Variants in LCK observed in about 807,000 individuals in gnomAD.
The protein encoded by LCK is LCK proto-oncogene, Src family tyrosine kinase.
A neutral mutation model predicts 64.6 loss-of-function variants in LCK; 14 were observed. That is an observed-to-expected ratio of 0.22 (90% CI 0.14 to 0.34). The LOEUF is 0.34. Among genes scored for constraint, LCK ranks in the 10% least tolerant of loss-of-function variants. The pLI, the probability that LCK is intolerant of heterozygous loss-of-function variation, is 1.00. For missense variants in LCK, 434 were observed against 668.1 expected (o/e 0.65, Z 3.86); for synonymous variants, 277 against 263.6 (o/e 1.05, Z -0.49).
In LCK at chr1:32,275,311, C is replaced by A. The variant is rs763255214; in HGVS notation, c.279-10C>A. 1 of 1,613,534 alleles carries A rather than the reference C, an allele frequency of 6.2e-7. No homozygotes were observed. Among genetic ancestry groups the A allele is most frequent in the Non-Finnish European group, 8.5e-7 (1 of 1,179,584 alleles). Reference sequence around the variant, plus strand: ...TGAGCGAGCCACACTGACCCACCTCCGTGGCGCAGGAGCGGCGAGTGGTGG... The same window carrying A: ...TGAGCGAGCCACACTGACCCACCTCAGTGGCGCAGGAGCGGCGAGTGGTGG... On this transcript the variant is annotated splice_polypyrimidine_tract_variant and intron_variant, in intron 4 of 12. Coordinates refer to ENST00000336890, the MANE Select transcript of LCK (RefSeq NM_005356.5). The surrounding 1 kb of genome is among the most constrained non-coding windows in gnomAD (Gnocchi z 6.9).
intron 1 of LCK, among the ~76,000 whole-genome samples, chr1:32,258,640 T>C (rs1460454298): frequency 2.0e-5 from 3 of 150,912 alleles, no homozygotes; most frequent in Non-Finnish European, 1.5e-5. Flanking sequence ...ACGTCTCTAC[T>C]AAAAATACAA....
In LCK at chr1:32,275,442, G is replaced by A; in HGVS notation, c.377+23G>A. ...ACCGTAAGTGGGGACCCGTCGTGGG[G>A]GTGGGTAGGAGCAGATCTAGGGATC... On this transcript the variant is annotated intron_variant, in intron 5 of 12. Transcript: ENST00000336890. This position sits in a 1 kb window ranked among gnomAD's most constrained non-coding sequence, Gnocchi z 6.9. 10 of 1,611,948 alleles carry A rather than the reference G, an allele frequency of 6.2e-6. No individual in the cohort carries two copies. Among genetic ancestry groups the A allele is most frequent in the Non-Finnish European group, 7.6e-6 (9 of 1,178,270 alleles).
intron 1 of LCK, chr1:32,269,372 A>C (rs928488141): frequency 6.8e-6 from 1 of 146,720 alleles, no homozygotes; most frequent in Non-Finnish European, 1.5e-5. Context: ...TGGGAGGTGG[A>C]GGTTCCAGTG....
rs191726890 is a variant in LCK at position 32,282,369 on chromosome 1, C to T, written c.1327+2159C>T. 3.3e-5 allele frequency among the ~76,000 whole-genome samples: 5 copies of T among 152,326 alleles called. No individual in the cohort carries two copies. In the East Asian group the frequency reaches 9.6e-4, roughly 29 times the overall value. ...AGAAATGGGGACCTTGGTAAACTTG[C>T]AGCTGCTCCAGCAGATGGCTGCAAT... is the stretch of plus-strand genomic sequence containing the variant. On this transcript the variant is annotated intron_variant, in intron 12 of 12. Transcript: ENST00000336890.
In LCK at chr1:32,251,891, A is replaced by G. The variant is rs1009497193; in HGVS notation, c.-6+520A>G. On this transcript the variant is annotated intron_variant, in intron 1 of 12. Transcript: ENST00000336890. This position sits in a 1 kb window ranked among gnomAD's most constrained non-coding sequence, Gnocchi z 4.0. ...AGACCCCAGTGACAAGAATCTCCTG[A>G]GAAAGAGAGAGAGAGAGAGAGAGAG... 1.0e-5 allele frequency among the ~76,000 whole-genome samples: 1 copy of G among 99,498 alleles called. No individual in the cohort carries two copies. Among genetic ancestry groups the G allele is most frequent in the Non-Finnish European group, 2.0e-5 (1 of 50,338 alleles). The allele number at this position is 99,498 out of a possible 152,430, so 65.3% of individuals were successfully genotyped here.
intron 1 of LCK, among the ~76,000 whole-genome samples, chr1:32,271,486 G>A (rs554601783): frequency 4.6e-5 from 7 of 152,162 alleles, no homozygotes; most frequent in African/African-American, 9.6e-5. Flanking sequence ...AGACCAGTCC[G>A]GGCAACATAG....
Position 32,275,759 on chromosome 1 carries a change from C to T in LCK, c.481+87C>T, listed in dbSNP as rs1640245581. ...GCAGGGTGAGCCCGAGGTGGAGACA[C>T]GGGGTGAGTCGGAGGGGGACGCGGG... On this transcript the variant is annotated intron_variant, in intron 6 of 12. Coordinates refer to ENST00000336890, the MANE Select transcript of LCK (RefSeq NM_005356.5). This position sits in a 1 kb window ranked among gnomAD's most constrained non-coding sequence, Gnocchi z 6.9. The T allele has an allele frequency of 1.5e-6, 2 of 1,330,382 alleles. No homozygotes were observed. Among genetic ancestry groups the T allele is most frequent in the Non-Finnish European group, 2.0e-6 (2 of 995,138 alleles). The allele number at this position is 1,330,382 out of a possible 1,614,324, so 82.4% of individuals were successfully genotyped here. A position where few individuals can be genotyped will look rare whatever the true frequency, so the allele number is the denominator to read the frequency against.
intron 1 of LCK, among the ~76,000 whole-genome samples, chr1:32,257,481 G>A (rs1639659096): frequency 6.6e-6 from 1 of 151,830 alleles, no homozygotes; most frequent in Non-Finnish European, 1.5e-5. Flanking sequence ...CAAACTCCTG[G>A]GCTCACGTAT....
rs1194327738 is a variant in LCK, at chr1:32,275,266, G to T, written c.279-55G>T. On this transcript the variant is annotated intron_variant, in intron 4 of 12. Coordinates refer to ENST00000336890, the MANE Select transcript of LCK (RefSeq NM_005356.5). The surrounding 1 kb of genome is among the most constrained non-coding windows in gnomAD (Gnocchi z 6.9). Reference sequence around the variant, plus strand: ...TTAAGGGGTGGAGGGGTCTTTGAGGGAGGGTCTCAGGTCGACGGCTGAGCG... The same window carrying T: ...TTAAGGGGTGGAGGGGTCTTTGAGGTAGGGTCTCAGGTCGACGGCTGAGCG... 27 of 1,576,540 alleles carry T rather than the reference G, an allele frequency of 1.7e-5. No individual in the cohort carries two copies. The highest frequency in any genetic ancestry group is 4.5e-5 in the East Asian group (2 of 44,684).
chr1:32,268,754 G>C (rs922229226), intron 1 of LCK, among the ~76,000 whole-genome samples: 8 of 150,292 alleles, frequency 5.3e-5, no homozygotes, highest in Non-Finnish European at 1.2e-4. Flanking sequence ...CAGAGGTTGC[G>C]GTGGGCCGAG....
intron 1 of LCK, among the ~76,000 whole-genome samples, chr1:32,272,573 A>AAGAG (rs112969302): frequency 8.3e-5 from 6 of 71,912 alleles, no homozygotes; most frequent in African/African-American, 3.5e-4. Flanking sequence ...ACCCTGTCTC[A>AAGAG]AGAGAGAGAG....
chr1:32,277,687 C>T (rs772736569), intron 9 of LCK, among the ~76,000 whole-genome samples: 11 of 152,170 alleles, frequency 7.2e-5, no homozygotes, highest in South Asian at 2.1e-4. Flanking sequence ...ATGGGCTCAC[C>T]AGAAATAATA....
rs141359708 is a variant in LCK at position 32,272,986 on chromosome 1, G to A, written c.-5-1339G>A. On this transcript the variant is annotated intron_variant, in intron 1 of 12. Coordinates refer to ENST00000336890, the MANE Select transcript of LCK (RefSeq NM_005356.5). ...GTGGGGTGAGTGCGTGTGTGTGGGG[G>A]TGAATGCGTGTGTGTGTGTATGTGG... 3.3e-3 allele frequency among the ~76,000 whole-genome samples: 496 copies of A among 150,000 alleles called. 2 individuals are homozygous for A. The highest frequency in any genetic ancestry group is 0.011 in the African/African-American group (433 of 40,674).
At position 32,268,336 on chromosome 1, in the gene LCK, G is replaced by A. The variant is rs147831212; in HGVS notation, c.-5-5989G>A. Among the ~76,000 whole-genome samples the A allele has an allele frequency of 1.5e-3, 229 of 151,912 alleles. 2 individuals are homozygous for A. The East Asian group carries it at 0.022, about 14-fold the overall frequency. On this transcript the variant is annotated intron_variant, in intron 1 of 12. Transcript: ENST00000336890. ...TCATTTATTTATTTACTTTAGACAAGGGGTCTTGTTCTGTCACCCAGGCTG... is the reference window on the plus strand; with the variant it reads ...TCATTTATTTATTTACTTTAGACAAAGGGTCTTGTTCTGTCACCCAGGCTG...
chr1:32,273,184 G>T (rs1569945850), intron 1 of LCK, among the ~76,000 whole-genome samples: 1 of 143,224 alleles, frequency 7.0e-6, no homozygotes, highest in Non-Finnish European at 1.5e-5. Context: ...CTTGTGGAGG[G>T]TGAGTGTATG....
At chr1:32,272,651 G>GAGAGAA in intron 1 of LCK, among the ~76,000 whole-genome samples, 1 of 130,584 alleles carries the variant, frequency 7.7e-6, no homozygotes, top group African/African-American at 4.6e-5. Context: ...GAGAGAGAGC[G>GAGAGAA]AGAGAGCGCA....
intron 9 of LCK, among the ~76,000 whole-genome samples, chr1:32,279,196 G>A (rs1042524907): frequency 3.9e-5 from 6 of 152,030 alleles, no homozygotes; most frequent in Non-Finnish European, 8.8e-5. Context: ...ATGCCTGGTA[G>A]GATCTAGAGA....
chr1:32,274,980 C>G lies in LCK; in HGVS notation c.188-13C>G. 4 of 1,614,204 alleles carry G rather than the reference C, an allele frequency of 2.5e-6. No homozygotes were observed. The highest frequency in any genetic ancestry group is 3.4e-6 in the Non-Finnish European group (4 of 1,180,024). On this transcript the variant is annotated splice_polypyrimidine_tract_variant and intron_variant, in intron 3 of 12. Transcript: ENST00000336890. ...CCCAGCTCGGTTCTCCCTGATGCCC[C>G]TTGTCTTTACAGACAACCTGGTTAT...
intron 1 of LCK, among the ~76,000 whole-genome samples, chr1:32,257,615 C>T (rs895798443): frequency 6.6e-6 from 1 of 152,070 alleles, no homozygotes; most frequent in African/African-American, 2.4e-5. Flanking sequence ...ATGGCATGGA[C>T]ATGGTGAACT....
Sources: gnomAD v4.1 joint callset for allele counts (sites outside exome capture counted in the v4.1 genomes callset) on GRCh38, gnomAD v4.1.1 for gene constraint, Gnocchi (gnomAD v3.1) non-coding constraint, MANE v1.5 for transcripts, NCBI Gene and HGNC (gene_info 2026-07-23, HGNC 2026-07-21) for gene names.